Variants in HCN1 observed in about 807,000 individuals in gnomAD.
HCN1 encodes the protein hyperpolarization activated cyclic nucleotide gated potassium channel 1.
A neutral mutation model predicts 78.9 loss-of-function variants in HCN1; 13 were observed. That is an observed-to-expected ratio of 0.16 (90% CI 0.11 to 0.26). The LOEUF (loss-of-function observed/expected upper bound fraction) is 0.26. Among genes scored for constraint, HCN1 ranks in the 10% least tolerant of loss-of-function variants. HCN1 has a pLI of 1.00. For missense variants in HCN1, 810 were observed against 1,154.3 expected (o/e 0.70, Z 4.32); for synonymous variants, 552 against 455.5 (o/e 1.21, Z -2.70).
chr5:45,567,432 T>G (rs897569953), intron 2 of HCN1, among the ~76,000 whole-genome samples: 1 of 151,910 alleles, frequency 6.6e-6, no homozygotes, highest in Non-Finnish European at 1.5e-5. Context: ...GCTGCAGGAG[T>G]ACAGAGCTGA....
intron 3 of HCN1, among the ~76,000 whole-genome samples, chr5:45,417,751 C>CAAAAAAAAAAAAAAAA (rs1212611466): frequency 6.8e-5 from 1 of 14,796 alleles, no homozygotes; most frequent in African/African-American, 1.9e-4. Context: ...TGTAGAGAGA[C>CAAAAAAAAAAAAAAAA]AAAAAAAAAA....
intron 4 of HCN1, among the ~76,000 whole-genome samples, chr5:45,360,093 A>T (rs1747080420): frequency 6.6e-6 from 1 of 151,258 alleles, no homozygotes; most frequent in African/African-American, 2.4e-5. Flanking sequence ...AATAAATAGT[A>T]ATTATTAGAA....
intron 6 of HCN1, among the ~76,000 whole-genome samples, chr5:45,302,627 T>A (rs1457576314): frequency 6.6e-6 from 1 of 150,816 alleles, no homozygotes; most frequent in Non-Finnish European, 1.5e-5. Context: ...CATATATATA[T>A]ATTTTATATA....
At chr5:45,552,509 T>C (rs1437105141) in intron 2 of HCN1, among the ~76,000 whole-genome samples, 1 of 151,966 alleles carries the variant, frequency 6.6e-6, no homozygotes, top group Admixed American at 6.6e-5. Flanking sequence ...TCTATAAGTA[T>C]CATCAAGAGA....
chr5:45,660,295 T>C (rs868796193), intron 1 of HCN1, among the ~76,000 whole-genome samples: 189 of 107,390 alleles, frequency 1.8e-3, no homozygotes, highest in African/African-American at 8.7e-3. Context: ...AAAGAGCTCC[T>C]GAAGGAAGCG....
At position 45,398,406 on chromosome 5, in the gene HCN1, A is replaced by G. The variant is rs79748187; in HGVS notation, c.1012-1696T>C. ...TTGATATAATGTACTCATCTCATTTATAGCTCAGTAATTTAAGTGTACTCA... is the reference window on the plus strand; with the variant it reads ...TTGATATAATGTACTCATCTCATTTGTAGCTCAGTAATTTAAGTGTACTCA... On this transcript the variant is annotated intron_variant, in intron 3 of 7. Coordinates refer to ENST00000303230, the MANE Select transcript of HCN1 (RefSeq NM_021072.4). Among the ~76,000 whole-genome samples the G allele has an allele frequency of 5.0e-3, 764 of 152,240 alleles. 2 individuals carry two copies. The highest frequency in any genetic ancestry group is 0.017 in the African/African-American group (727 of 41,564).
chr5:45,363,905 T>C (rs1198992529), intron 4 of HCN1, among the ~76,000 whole-genome samples: 1 of 152,066 alleles, frequency 6.6e-6, no homozygotes, highest in Non-Finnish European at 1.5e-5. Context: ...GGTATGTCTT[T>C]ATCAGCAGCG....
intron 2 of HCN1, 200 bp downstream of exon 2, chr5:45,644,985 T>C (rs929761070): frequency 1.8e-5 from 10 of 553,022 alleles, no homozygotes; most frequent in East Asian, 8.7e-5. Context: ...ACTATTTTTT[T>C]CAGTTCATTC....
intron 2 of HCN1, among the ~76,000 whole-genome samples, chr5:45,634,749 A>C (rs2112016633): frequency 6.6e-6 from 1 of 152,154 alleles, no homozygotes; most frequent in South Asian, 2.1e-4. Context: ...CATTTCTCTC[A>C]ATTTCAGTCT....
chr5:45,267,150 C>G lies in HCN1; in HGVS notation c.1722G>C (p.Glu574Asp). 6.2e-7 allele frequency: 1 copy of G among 1,613,926 alleles called. No homozygotes were observed. The highest frequency in any genetic ancestry group is 8.5e-7 in the Non-Finnish European group (1 of 1,179,862). Residue 574 changes from glutamate to aspartate, a missense_variant, in exon 7 of 8, where the codon GAG (glutamate) becomes GAC (aspartate). By Grantham distance (45) the Glu-to-Asp change is conservative. This residue lies in a region of HCN1 where 36 missense variants were observed against 58.5 expected (regional missense o/e 0.62). Transcript: ENST00000303230. ...AGGCTCTCCTCATCATTGGATATTCCTCCAGGACCTCGTTGAAATTGTCCA... is the reference window on the plus strand; with the variant it reads ...AGGCTCTCCTCATCATTGGATATTCGTCCAGGACCTCGTTGAAATTGTCCA... ...LSVDNFNEVL[E>D]EYPMMRRAFE...
chr5:45,372,637 TTATATAAAAATATATAAAACATTTA>T (rs1747432756), intron 4 of HCN1, among the ~76,000 whole-genome samples: 2 of 129,946 alleles, frequency 1.5e-5, no homozygotes, highest in East Asian at 2.3e-4. Flanking sequence ...ATAAAACATT[TTATATAAAAATATATAAAACATTTA>T]TATATAAAAA....
intron 6 of HCN1, among the ~76,000 whole-genome samples, chr5:45,281,225 G>C (rs1420838135): frequency 6.6e-6 from 1 of 151,986 alleles, no homozygotes. Context: ...ATTGGATCAT[G>C]GGGGTGGATT....
At chr5:45,465,247 A>T (rs761920868) in intron 2 of HCN1, among the ~76,000 whole-genome samples, 11 of 152,116 alleles carry the variant, frequency 7.2e-5, no homozygotes, top group Non-Finnish European at 1.3e-4. Context: ...ATCTTAAACA[A>T]GGGAATTAAA....
intron 3 of HCN1, among the ~76,000 whole-genome samples, chr5:45,444,774 T>C (rs1261871863): frequency 2.0e-5 from 3 of 151,944 alleles, no homozygotes; most frequent in Admixed American, 2.0e-4. Context: ...TTTACTTTAT[T>C]CTTTTCTTTT....
At chr5:45,418,603 G>C (rs1740163866) in intron 3 of HCN1, among the ~76,000 whole-genome samples, 1 of 151,936 alleles carries the variant, frequency 6.6e-6, no homozygotes, top group African/African-American at 2.4e-5. Flanking sequence ...CCCATGAGGA[G>C]AATAATAGTG....
At chr5:45,437,607 G>A (rs369653705) in intron 3 of HCN1, among the ~76,000 whole-genome samples, 1 of 152,104 alleles carries the variant, frequency 6.6e-6, no homozygotes, top group African/African-American at 2.4e-5. Flanking sequence ...GACTACTAAG[G>A]TGAATAAACA....
At chr5:45,301,113 A>G (rs1745607299) in intron 6 of HCN1, among the ~76,000 whole-genome samples, 1 of 152,028 alleles carries the variant, frequency 6.6e-6, no homozygotes, top group South Asian at 2.1e-4. Context: ...CAAAATTCAA[A>G]TATTTCCTAA....
intron 2 of HCN1, among the ~76,000 whole-genome samples, chr5:45,596,101 T>C (rs536020908): frequency 6.6e-6 from 1 of 152,044 alleles, no homozygotes; most frequent in East Asian, 1.9e-4. Flanking sequence ...GGTTTCACCA[T>C]GTTAGCTAGG....
At chr5:45,328,941 A>C (rs1375661457) in intron 5 of HCN1, among the ~76,000 whole-genome samples, 1 of 151,598 alleles carries the variant, frequency 6.6e-6, no homozygotes, top group African/African-American at 2.4e-5. Flanking sequence ...GAAACAATTA[A>C]TTTAAACAAT....
Sources: gnomAD v4.1 joint callset for allele counts (sites outside exome capture counted in the v4.1 genomes callset) on GRCh38, gnomAD v4.1.1 for gene constraint, gnomAD v4.1.1 regional missense constraint, MANE v1.5 for transcripts, NCBI Gene and HGNC (gene_info 2026-07-23, HGNC 2026-07-21) for gene names.